FBXL7: variants seen among roughly 807,000 people sequenced by gnomAD.
FBXL7 encodes F-box and leucine rich repeat protein 7, also known as F-box/LRR-repeat protein 7.
FBXL7 carries 12 observed loss-of-function variants against 38.3 expected under a neutral mutation model. The observed-to-expected ratio is 0.31, with a 90% confidence interval of 0.20 to 0.51. The LOEUF is 0.51. FBXL7 is among the 20% of genes least tolerant of loss of function. FBXL7 has a pLI of 0.98. For synonymous variants in FBXL7, 297 were observed against 300.9 expected, an observed-to-expected ratio of 0.99 and a Z score of 0.13; for missense variants, 567 against 676.4, an observed-to-expected ratio of 0.84 and a Z score of 1.79.
At chr5:15,894,712 A>C (rs1353401338) in intron 2 of FBXL7, among the ~76,000 whole-genome samples, 2 of 152,338 alleles carry the variant, frequency 1.3e-5, no homozygotes, top group South Asian at 2.1e-4. Flanking sequence ...ATCTTGACAC[A>C]ATATTTATGA....
chr5:15,743,113 G>A (rs1189413095), intron 2 of FBXL7, among the ~76,000 whole-genome samples: 1 of 151,988 alleles, frequency 6.6e-6, no homozygotes, highest in African/African-American at 2.4e-5. Flanking sequence ...CTCACTCCTG[G>A]CCCCTCCCAA....
intron 2 of FBXL7, among the ~76,000 whole-genome samples, chr5:15,841,139 C>A (rs1267577986): frequency 6.6e-6 from 1 of 151,836 alleles, no homozygotes; most frequent in Non-Finnish European, 1.5e-5. Flanking sequence ...CTTTTTTTCC[C>A]AATTCTTATA....
intron 1 of FBXL7, among the ~76,000 whole-genome samples, chr5:15,587,857 A>C (rs1305648674): frequency 6.6e-6 from 1 of 152,214 alleles, no homozygotes; most frequent in Non-Finnish European, 1.5e-5. Context: ...AAAGTCATTA[A>C]ATAGGATATT....
At chr5:15,560,573 C>T (rs1738381673) in intron 1 of FBXL7, among the ~76,000 whole-genome samples, 1 of 152,088 alleles carries the variant, frequency 6.6e-6, no homozygotes, top group South Asian at 2.1e-4. Context: ...ATAATGGACT[C>T]CTTAAGTGAA....
intron 2 of FBXL7, among the ~76,000 whole-genome samples, chr5:15,814,311 G>T (rs1319224728): frequency 6.6e-6 from 1 of 152,046 alleles, no homozygotes; most frequent in African/African-American, 2.4e-5. Context: ...ATCATTCTCG[G>T]CAAACTGACA....
chr5:15,895,092 C>G (rs891075840), intron 2 of FBXL7, among the ~76,000 whole-genome samples: 1 of 152,128 alleles, frequency 6.6e-6, no homozygotes, highest in African/African-American at 2.4e-5. Flanking sequence ...ATACCTTTGT[C>G]CTATCTATTC....
At chr5:15,718,103 G>A (rs989057241) in intron 2 of FBXL7, among the ~76,000 whole-genome samples, 17 of 152,094 alleles carry the variant, frequency 1.1e-4, no homozygotes, top group Non-Finnish European at 2.1e-4. Context: ...TCTACAAATG[G>A]CTCTCAAGTA....
At chr5:15,770,535 C>G (rs998818451) in intron 2 of FBXL7, among the ~76,000 whole-genome samples, 1 of 151,998 alleles carries the variant, frequency 6.6e-6, no homozygotes, top group South Asian at 2.1e-4. Context: ...ATGCCAGTGG[C>G]GAGGCAATAA....
At chr5:15,594,719 T>C (rs996296457) in intron 1 of FBXL7, among the ~76,000 whole-genome samples, 2 of 152,250 alleles carry the variant, frequency 1.3e-5, no homozygotes, top group African/African-American at 4.8e-5. Flanking sequence ...AGTTATAGAC[T>C]GGCTCTTTGC....
intron 2 of FBXL7, among the ~76,000 whole-genome samples, chr5:15,696,957 T>G (rs1743357755): frequency 6.6e-6 from 1 of 152,216 alleles, no homozygotes; most frequent in African/African-American, 2.4e-5. Context: ...AAGTTCGTCT[T>G]CATCATGTAA....
rs371293320 is a variant in FBXL7, at chr5:15,777,720, T to TAAAAAAAAAAAA, written c.128-150155_128-150144dup. On this transcript the variant is annotated intron_variant, in intron 2 of 3. Coordinates refer to ENST00000504595, the MANE Select transcript of FBXL7 (RefSeq NM_012304.5). Reference sequence around the variant, plus strand: ...TATTGTTTGCAAACCCCTATTCTGGTAAAAAAAAAAAAAAAAAAAAAAAAA... The same window carrying TAAAAAAAAAAAA: ...TATTGTTTGCAAACCCCTATTCTGGTAAAAAAAAAAAAAAAAAAAAAAAAAAAAAAAAAAAAA... Among the ~76,000 whole-genome samples, 157 of 82,462 alleles carry TAAAAAAAAAAAA rather than the reference T, an allele frequency of 1.9e-3. 9 individuals carry two copies. Among genetic ancestry groups the TAAAAAAAAAAAA allele is most frequent in the African/African-American group, 5.8e-3 (103 of 17,696 alleles). 54.1% of individuals were successfully genotyped at this position (82,462 alleles called of 152,430 possible).
chr5:15,677,408 A>G (rs112519916), intron 2 of FBXL7, among the ~76,000 whole-genome samples: 5,032 of 152,106 alleles, frequency 0.033, 133 homozygotes, highest in East Asian at 0.053. Flanking sequence ...TGGAGGTTGC[A>G]GTAAGCCAAG....
intron 1 of FBXL7, 31 bp downstream of exon 1, chr5:15,500,744 G>A: frequency 6.2e-7 from 1 of 1,601,602 alleles, no homozygotes. Context: ...CAGACTCCCG[G>A]ATCGCGTCCC....
intron 2 of FBXL7, among the ~76,000 whole-genome samples, chr5:15,687,192 A>G (rs1192998960): frequency 6.6e-6 from 1 of 152,246 alleles, no homozygotes; most frequent in Non-Finnish European, 1.5e-5. Flanking sequence ...ATAATAACAA[A>G]ACCCCTTTAT....
intron 2 of FBXL7, among the ~76,000 whole-genome samples, chr5:15,731,963 C>T (rs912134513): frequency 2.0e-5 from 3 of 152,152 alleles, no homozygotes; most frequent in Non-Finnish European, 4.4e-5. Flanking sequence ...ACAAAGTTAT[C>T]TCTGTCCAGT....
At chr5:15,514,660 C>A (rs1174799472) in intron 1 of FBXL7, among the ~76,000 whole-genome samples, 2 of 151,928 alleles carry the variant, frequency 1.3e-5, no homozygotes, top group African/African-American at 4.8e-5. Context: ...CCCATTTTTT[C>A]CTTACTTTGA....
intron 2 of FBXL7, among the ~76,000 whole-genome samples, chr5:15,882,594 G>A (rs1167914324): frequency 6.6e-6 from 1 of 152,190 alleles, no homozygotes; most frequent in Non-Finnish European, 1.5e-5. Context: ...AGACCTGACA[G>A]AAGTCACTAG....
intron 1 of FBXL7, among the ~76,000 whole-genome samples, chr5:15,537,272 C>T (rs1737613554): frequency 1.3e-5 from 2 of 152,058 alleles, no homozygotes; most frequent in Admixed American, 6.5e-5. Context: ...AGTGAAATAT[C>T]TTTTCATATG....
chr5:15,903,881 A>G (rs1741290954), intron 2 of FBXL7, among the ~76,000 whole-genome samples: 1 of 152,194 alleles, frequency 6.6e-6, no homozygotes, highest in South Asian at 2.1e-4. Context: ...TTCACAATAT[A>G]AAAATCAGAA....
Sources: allele counts gnomAD v4.1 joint callset (sites outside exome capture counted in the v4.1 genomes callset), GRCh38; gene constraint gnomAD v4.1.1; transcripts MANE v1.5; gene names NCBI Gene and HGNC (gene_info 2026-07-23, HGNC 2026-07-21).